Variants in SUCLG2 observed in about 807,000 individuals in gnomAD.
The protein encoded by SUCLG2 is succinate-CoA ligase GDP-forming subunit beta.
Under a neutral mutation model 47.9 loss-of-function variants are expected in SUCLG2, and 42 were observed. That is an observed-to-expected ratio of 0.88 (90% CI 0.69 to 1.14). The LOEUF is 1.14. Ranked by LOEUF, SUCLG2 falls within the 50% of genes most tolerant of loss-of-function variation. The pLI is 0.00. For missense variants in SUCLG2, 571 were observed against 525.9 expected, an observed-to-expected ratio of 1.09 and a Z score of -0.84; for synonymous variants, 195 against 197.3, an observed-to-expected ratio of 0.99 and a Z score of 0.10.
intron 1 of SUCLG2, among the ~76,000 whole-genome samples, chr3:67,614,395 T>C (rs2242019): frequency 0.49 from 73,493 of 150,748 alleles, 18,815 homozygotes; most frequent in African/African-American, 0.64. Context: ...TTCCAGCTCC[T>C]GCTATCTCCC....
Position 67,518,283 on chromosome 3 carries a change from G to A in SUCLG2, c.624C>T (p.Ala208=), listed in dbSNP as rs756128468. The A allele has an allele frequency of 5.8e-5, 93 of 1,611,632 alleles. No individual in the cohort carries two copies. Among genetic ancestry groups the A allele is most frequent in the South Asian group, 5.0e-4 (45 of 90,650 alleles). Residue 208 remains alanine (A), a synonymous_variant, in exon 6 of 11, where the codon GCC becomes GCT. Coordinates refer to ENST00000307227, the MANE Select transcript of SUCLG2 (RefSeq NM_003848.4). The stretch of plus-strand genomic sequence containing the variant: ...AAGGCCCAACGAAGCCTAGATTTTC[G>A]GCCATCCGCTGAGCTTGGCTGTCCT... ...GIKDSQAQRM[A]ENLGFVGPLK...
intron 1 of SUCLG2, 97 bp downstream of exon 1, chr3:67,654,406 A>T (rs1450385879): frequency 9.8e-7 from 1 of 1,016,728 alleles, no homozygotes; most frequent in Non-Finnish European, 1.3e-6. Flanking sequence ...GGGGCCGCGC[A>T]GGGGGTCAGG....
intron 9 of SUCLG2, among the ~76,000 whole-genome samples, chr3:67,479,443 A>T (rs1332246180): frequency 6.6e-6 from 1 of 152,228 alleles, no homozygotes; most frequent in Admixed American, 6.5e-5. Flanking sequence ...ATCAAAGTTG[A>T]TTCAACATCT....
chr3:67,497,495 A>G (rs1442674689), intron 8 of SUCLG2, among the ~76,000 whole-genome samples: 1 of 152,194 alleles, frequency 6.6e-6, no homozygotes, highest in Non-Finnish European at 1.5e-5. Context: ...GAGTGTGATA[A>G]AATCAATTGT....
chr3:67,643,285 G>T (rs1054613324), intron 1 of SUCLG2, among the ~76,000 whole-genome samples: 1 of 152,148 alleles, frequency 6.6e-6, no homozygotes, highest in African/African-American at 2.4e-5. Flanking sequence ...CTTATCACCA[G>T]AAACTGGGTA....
intron 7 of SUCLG2, among the ~76,000 whole-genome samples, chr3:67,505,186 G>A (rs991656990): frequency 2.0e-5 from 3 of 152,148 alleles, no homozygotes; most frequent in Non-Finnish European, 4.4e-5. Context: ...ATGGAGCACT[G>A]GGAGCCATCT....
chr3:67,428,554 T>C (rs1199222315), intron 9 of SUCLG2, among the ~76,000 whole-genome samples: 1 of 152,210 alleles, frequency 6.6e-6, no homozygotes. Flanking sequence ...TCAAAAGGAA[T>C]GCAGCTCCTC....
At chr3:67,457,999 T>C (rs1704231838) in intron 9 of SUCLG2, among the ~76,000 whole-genome samples, 1 of 152,168 alleles carries the variant, frequency 6.6e-6, no homozygotes, top group South Asian at 2.1e-4. Flanking sequence ...TGGGAGTCTC[T>C]GCCTTTGCCC....
intron 1 of SUCLG2, among the ~76,000 whole-genome samples, chr3:67,650,446 T>C (rs566345154): frequency 2.0e-5 from 3 of 152,136 alleles, no homozygotes; most frequent in African/African-American, 7.2e-5. Flanking sequence ...ACAGAAAACA[T>C]ACAACAAGGA....
intron 10 of SUCLG2, among the ~76,000 whole-genome samples, chr3:67,382,264 A>G (rs78928032): frequency 0.045 from 6,849 of 152,288 alleles, 503 homozygotes; most frequent in African/African-American, 0.16. Context: ...CAGGAGAGGC[A>G]ACAAAAACAC....
At chr3:67,510,187 C>T (rs1705749388) in intron 6 of SUCLG2, among the ~76,000 whole-genome samples, 2 of 152,258 alleles carry the variant, frequency 1.3e-5, no homozygotes, top group South Asian at 2.1e-4. Context: ...TCTTGCAGCG[C>T]CTATGAAACA....
intron 9 of SUCLG2, among the ~76,000 whole-genome samples, chr3:67,446,425 T>G (rs1470184138): frequency 4.6e-5 from 4 of 86,916 alleles, no homozygotes; most frequent in Non-Finnish European, 8.9e-5. Flanking sequence ...ACATTTTTTT[T>G]TTTTTTTTTT....
In SUCLG2 at chr3:67,375,118, T is replaced by C; in HGVS notation, c.*626A>G. 5.1e-6 allele frequency: 5 copies of C among 985,688 alleles called. No homozygotes were observed. Among genetic ancestry groups the C allele is most frequent in the Non-Finnish European group, 6.0e-6 (5 of 829,818 alleles). 61.1% of individuals were successfully genotyped at this position (985,688 alleles called of 1,614,324 possible). A position where few individuals can be genotyped will look rare whatever the true frequency, so the allele number is the denominator to read the frequency against. ...GTATATTCAATATTAAGGCAAATGG[T>C]AAAAACACATGGATGGTATATTAAT... On this transcript the variant is annotated 3_prime_UTR_variant, in exon 11 of 11. Transcript: ENST00000307227.
chr3:67,460,220 G>A, intron 9 of SUCLG2, among the ~76,000 whole-genome samples: 1 of 152,160 alleles, frequency 6.6e-6, no homozygotes, highest in East Asian at 1.9e-4. Flanking sequence ...TAGTAGAAGT[G>A]TAGCTAAGAA....
At chr3:67,613,728 C>T (rs951439556) in intron 1 of SUCLG2, among the ~76,000 whole-genome samples, 1 of 152,146 alleles carries the variant, frequency 6.6e-6, no homozygotes, top group African/African-American at 2.4e-5. Context: ...ACCAATAAAG[C>T]CATGTTACAA....
chr3:67,559,628 A>G (rs1283695072), intron 2 of SUCLG2, among the ~76,000 whole-genome samples: 1 of 152,232 alleles, frequency 6.6e-6, no homozygotes, highest in Non-Finnish European at 1.5e-5. Flanking sequence ...GTGAGGACAG[A>G]GCCAGACTAC....
chr3:67,647,108 A>C (rs1325705459), intron 1 of SUCLG2, among the ~76,000 whole-genome samples: 1 of 152,114 alleles, frequency 6.6e-6, no homozygotes, highest in African/African-American at 2.4e-5. Context: ...ACAGCCCACA[A>C]ATGGAAATAC....
intron 10 of SUCLG2, among the ~76,000 whole-genome samples, chr3:67,394,064 G>A (rs548858635): frequency 6.6e-6 from 1 of 152,100 alleles, no homozygotes; most frequent in African/African-American, 2.4e-5. Context: ...AAACCACAAA[G>A]ATGGGGAAAA....
At chr3:67,548,192 C>A (rs995148781) in intron 2 of SUCLG2, among the ~76,000 whole-genome samples, 6 of 152,162 alleles carry the variant, frequency 3.9e-5, no homozygotes, top group Non-Finnish European at 8.8e-5. Flanking sequence ...TAGGAAGAAA[C>A]AGAGTTGAGA....
Sources: allele counts gnomAD v4.1 joint callset (sites outside exome capture counted in the v4.1 genomes callset), GRCh38; gene constraint gnomAD v4.1.1; transcripts MANE v1.5; gene names NCBI Gene and HGNC (gene_info 2026-07-23, HGNC 2026-07-21).